ADGRL3: variants seen among roughly 807,000 people sequenced by gnomAD.
The protein encoded by ADGRL3 is adhesion G protein-coupled receptor L3.
ADGRL3 carries 62 observed loss-of-function variants against 153.5 expected under a neutral mutation model. That is an observed-to-expected ratio of 0.40 (90% CI 0.33 to 0.50). ADGRL3 has a LOEUF of 0.50. Among genes scored for constraint, ADGRL3 ranks in the 20% least tolerant of loss-of-function variants. ADGRL3 has a pLI of 0.47. For missense variants in ADGRL3, 1,641 were observed against 1,859.4 expected (o/e 0.88, Z 2.16); for synonymous variants, 710 against 672.5 (o/e 1.06, Z -0.86).
intron 1 of ADGRL3, among the ~76,000 whole-genome samples, chr4:61,377,178 G>GTA (rs1459893357): frequency 6.6e-6 from 1 of 151,896 alleles, no homozygotes; most frequent in Non-Finnish European, 1.5e-5. Flanking sequence ...GTACGGAATG[G>GTA]TATAGTATCA....
At position 62,022,472 on chromosome 4, in the gene ADGRL3, A is replaced by G. The variant is rs13115379; in HGVS notation, c.3396-6383A>G. 4.7e-3 allele frequency among the ~76,000 whole-genome samples: 711 copies of G among 152,292 alleles called. 2 individuals carry two copies. Among genetic ancestry groups the G allele is most frequent in the Non-Finnish European group, 8.0e-3 (544 of 68,008 alleles). On this transcript the variant is annotated intron_variant, in intron 21 of 26. Transcript: ENST00000683033. ...TGAAGGCAGCTACACTAAACAACAG[A>G]TTTTCCATGTAGACAAAACAGCCTT...
intron 11 of ADGRL3, among the ~76,000 whole-genome samples, chr4:61,901,666 T>C (rs1322232022): frequency 6.6e-6 from 1 of 152,198 alleles, no homozygotes; most frequent in Non-Finnish European, 1.5e-5. Context: ...AATTCCTTTA[T>C]AAATTGTTTT....
At chr4:61,842,858 A>G (rs899636074) in intron 9 of ADGRL3, among the ~76,000 whole-genome samples, 10 of 152,208 alleles carry the variant, frequency 6.6e-5, no homozygotes, top group African/African-American at 1.4e-4. Context: ...GTGAATGCAT[A>G]TAGTCTACAC....
At chr4:61,959,057 T>C (rs1020317441) in intron 17 of ADGRL3, among the ~76,000 whole-genome samples, 9 of 152,196 alleles carry the variant, frequency 5.9e-5, no homozygotes, top group South Asian at 4.1e-4. Context: ...TGAGTTATAG[T>C]GTTTATGATA....
At chr4:61,448,858 G>A (rs796989562) in intron 2 of ADGRL3, among the ~76,000 whole-genome samples, 3 of 5,792 alleles carry the variant, frequency 5.2e-4, no homozygotes, top group Non-Finnish European at 1.3e-3. Flanking sequence ...GGAAGGAAGG[G>A]AGGGAAGGAA....
chr4:61,938,847 A>C (rs2098852526), intron 15 of ADGRL3, among the ~76,000 whole-genome samples: 1 of 144,216 alleles, frequency 6.9e-6, no homozygotes, highest in South Asian at 2.3e-4. Context: ...TTAGATGTTA[A>C]ATAACCCTCC....
intron 9 of ADGRL3, among the ~76,000 whole-genome samples, chr4:61,876,546 T>A (rs2098476426): frequency 6.6e-6 from 1 of 152,060 alleles, no homozygotes; most frequent in South Asian, 2.1e-4. Context: ...TTCACTCTAC[T>A]TTTTTTATTT....
At chr4:61,912,092 A>G (rs1284247426) in intron 12 of ADGRL3, among the ~76,000 whole-genome samples, 1 of 152,196 alleles carries the variant, frequency 6.6e-6, no homozygotes, top group Non-Finnish European at 1.5e-5. Context: ...AAAACTGTCA[A>G]AATAAATTCT....
At chr4:61,686,837 C>T (rs140429093) in intron 6 of ADGRL3, among the ~76,000 whole-genome samples, 1,565 of 152,072 alleles carry the variant, frequency 0.01, 29 homozygotes, top group African/African-American at 0.035. Context: ...AGTCACTGTT[C>T]TACTCTTACC....
chr4:61,263,848 T>C (rs979725702), intron 1 of ADGRL3, among the ~76,000 whole-genome samples: 1 of 151,976 alleles, frequency 6.6e-6, no homozygotes, highest in Non-Finnish European at 1.5e-5. Context: ...TGTCCAGAGC[T>C]TCATGGTTAT....
chr4:61,971,245 G>A (rs1198562426), intron 17 of ADGRL3, among the ~76,000 whole-genome samples: 1 of 151,668 alleles, frequency 6.6e-6, no homozygotes, highest in African/African-American at 2.4e-5. Context: ...CCATGCTGGT[G>A]TGCTGCACCC....
At chr4:61,727,559 A>T (rs968997979) in intron 6 of ADGRL3, among the ~76,000 whole-genome samples, 1 of 152,124 alleles carries the variant, frequency 6.6e-6, no homozygotes, top group Non-Finnish European at 1.5e-5. Context: ...TTATTATCTC[A>T]TTACAGAGAG....
chr4:61,428,753 T>C (rs929408374), intron 2 of ADGRL3, among the ~76,000 whole-genome samples: 1 of 152,138 alleles, frequency 6.6e-6, no homozygotes, highest in African/African-American at 2.4e-5. Context: ...GCTTAGCCGG[T>C]ATCTGTAACA....
intron 9 of ADGRL3, among the ~76,000 whole-genome samples, chr4:61,836,295 T>G (rs2097934072): frequency 6.6e-6 from 1 of 152,180 alleles, no homozygotes; most frequent in Admixed American, 6.5e-5. Context: ...TAGGTTTCTC[T>G]TAAACTTTGT....
chr4:61,297,674 T>G (rs2094453771), intron 1 of ADGRL3, among the ~76,000 whole-genome samples: 1 of 147,316 alleles, frequency 6.8e-6, no homozygotes, highest in South Asian at 2.1e-4. Context: ...ATTCCCACCT[T>G]TTTTTTTTTA....
At chr4:61,971,630 G>A (rs1428529512) in intron 17 of ADGRL3, among the ~76,000 whole-genome samples, 2 of 152,010 alleles carry the variant, frequency 1.3e-5, no homozygotes, top group Admixed American at 1.3e-4. Flanking sequence ...ATGTGCATGT[G>A]TCTTTATAGC....
At chr4:61,781,555 A>G (rs567623728) in intron 8 of ADGRL3, among the ~76,000 whole-genome samples, 4 of 152,166 alleles carry the variant, frequency 2.6e-5, no homozygotes, top group African/African-American at 7.2e-5. Context: ...GTTTTCATTA[A>G]TTCTTTTAGT....
intron 2 of ADGRL3, among the ~76,000 whole-genome samples, chr4:61,492,402 A>G (rs1044851843): frequency 4.6e-5 from 7 of 152,058 alleles, no homozygotes; most frequent in Admixed American, 4.6e-4. Flanking sequence ...TACTTTGGGG[A>G]ATGTTTGAGA....
At chr4:61,791,530 CT>C (rs1187292407) in intron 8 of ADGRL3, among the ~76,000 whole-genome samples, 1 of 152,146 alleles carries the variant, frequency 6.6e-6, no homozygotes, top group African/African-American at 2.4e-5. Context: ...GTGTCTGCAG[CT>C]TTTTCCAGGT....
Sources: allele counts gnomAD v4.1 joint callset (sites outside exome capture counted in the v4.1 genomes callset), GRCh38; gene constraint gnomAD v4.1.1; transcripts MANE v1.5; gene names NCBI Gene and HGNC (gene_info 2026-07-23, HGNC 2026-07-21).